Variants in CDH18 observed in about 807,000 individuals in gnomAD.
CDH18 encodes cadherin-18.
CDH18 carries 31 observed loss-of-function variants against 67.9 expected under a neutral mutation model. The ratio of observed to expected loss-of-function variants is 0.46; its 90% CI spans 0.34 to 0.62. CDH18 has a LOEUF of 0.62. Ranked by LOEUF, CDH18 falls within the 20% of genes least tolerant of loss-of-function variation. The probability of loss-of-function intolerance (pLI) is 0.01; values close to 1 mark genes in which losing one functional copy is unlikely to be tolerated. For synonymous variants in CDH18, 362 were observed against 347.2 expected (o/e 1.04, Z -0.48); for missense variants, 890 against 975.5 (o/e 0.91, Z 1.17).
At chr5:20,361,435 A>G (rs951759149) in intron 1 of CDH18, among the ~76,000 whole-genome samples, 10 of 152,218 alleles carry the variant, frequency 6.6e-5, no homozygotes, top group Admixed American at 4.6e-4. Flanking sequence ...CAATTGGAGT[A>G]TTGCTATTAC....
intron 2 of CDH18, among the ~76,000 whole-genome samples, chr5:20,102,035 T>C (rs999235099): frequency 2.6e-5 from 4 of 152,040 alleles, no homozygotes; most frequent in Non-Finnish European, 5.9e-5. Flanking sequence ...CGCGCCACTG[T>C]ACTCCAGCCT....
At chr5:20,401,802 T>C (rs536046694) in intron 1 of CDH18, among the ~76,000 whole-genome samples, 23 of 152,160 alleles carry the variant, frequency 1.5e-4, no homozygotes, top group African/African-American at 5.6e-4. Flanking sequence ...CCATAACTGG[T>C]TTTGATGTTT....
intron 1 of CDH18, among the ~76,000 whole-genome samples, chr5:20,492,830 C>A (rs184153581): frequency 8.3e-4 from 127 of 152,202 alleles, no homozygotes; most frequent in African/African-American, 2.8e-3. Flanking sequence ...ATTTTGATAA[C>A]ACACACATGC....
At chr5:20,521,926 T>C (rs979540294) in intron 1 of CDH18, among the ~76,000 whole-genome samples, 5 of 152,194 alleles carry the variant, frequency 3.3e-5, no homozygotes, top group Admixed American at 1.3e-4. Flanking sequence ...CATTGAATTG[T>C]AGTCAACTTT....
chr5:19,512,100 C>T (rs924359674), intron 10 of CDH18, among the ~76,000 whole-genome samples: 4 of 152,112 alleles, frequency 2.6e-5, no homozygotes, highest in Non-Finnish European at 5.9e-5. Flanking sequence ...CCCATTGCTT[C>T]AGAGAAAATA....
At position 19,728,473 on chromosome 5, in the gene CDH18, C is replaced by T. The variant is rs79334000; in HGVS notation, c.524-7007G>A. 1.4e-3 allele frequency among the ~76,000 whole-genome samples: 216 copies of T among 152,238 alleles called. 6 individuals carry two copies. In the East Asian group the frequency reaches 0.036, roughly 25 times the overall value. On this transcript the variant is annotated intron_variant, in intron 4 of 12. Coordinates refer to ENST00000382275, the MANE Select transcript of CDH18 (RefSeq NM_004934.5). ...GAATGCCTTCAAGATATCTTTTCTACAATAAAACTTAAATCTTATTTTCTT... is the reference window on the plus strand; with the variant it reads ...GAATGCCTTCAAGATATCTTTTCTATAATAAAACTTAAATCTTATTTTCTT...
At chr5:20,118,951 C>A (rs977234966) in intron 2 of CDH18, among the ~76,000 whole-genome samples, 2 of 152,120 alleles carry the variant, frequency 1.3e-5, no homozygotes, top group African/African-American at 4.8e-5. Flanking sequence ...GTGAACAAAT[C>A]AACCCGTACA....
At chr5:19,767,362 A>G (rs1272423433) in intron 3 of CDH18, among the ~76,000 whole-genome samples, 3 of 152,098 alleles carry the variant, frequency 2.0e-5, no homozygotes, top group Admixed American at 2.0e-4. Flanking sequence ...GTAGTTGCGA[A>G]TAAGGAGGCT....
chr5:20,318,490 G>A (rs1369436922), intron 1 of CDH18, among the ~76,000 whole-genome samples: 1 of 152,088 alleles, frequency 6.6e-6, no homozygotes, highest in East Asian at 1.9e-4. Context: ...CTGGGGGTGG[G>A]GCTCTCATGA....
intron 3 of CDH18, among the ~76,000 whole-genome samples, chr5:19,796,279 T>C (rs1274612337): frequency 1.3e-5 from 2 of 152,086 alleles, no homozygotes; most frequent in Admixed American, 6.6e-5. Context: ...TTTAACATAA[T>C]TAATCCTTTG....
Position 20,311,849 on chromosome 5 carries a change from T to C in CDH18, c.-579-56344A>G, listed in dbSNP as rs1737026090. 2.6e-5 allele frequency among the ~76,000 whole-genome samples: 4 copies of C among 152,168 alleles called. 1 individual carries two copies. In the South Asian group the frequency reaches 8.3e-4, roughly 32 times the overall value. On this transcript the variant is annotated intron_variant, in intron 1 of 14. Coordinates refer to the CDH18 transcript ENST00000507958. The stretch of plus-strand genomic sequence containing the variant: ...TATTTTCACATGGTATCAAACACTA[T>C]TTTTAACATTTTGAAAAAACAAAAA...
At chr5:20,358,771 A>G (rs1349386865) in intron 1 of CDH18, among the ~76,000 whole-genome samples, 1 of 152,152 alleles carries the variant, frequency 6.6e-6, no homozygotes. Context: ...GCTGGTCCCA[A>G]TATATTTTTA....
At chr5:20,014,636 A>G (rs1165284527) in intron 2 of CDH18, among the ~76,000 whole-genome samples, 2 of 152,178 alleles carry the variant, frequency 1.3e-5, no homozygotes, top group Non-Finnish European at 2.9e-5. Context: ...AATGAAATCC[A>G]GTCATCTTCT....
chr5:20,144,892 G>A lies in CDH18; in HGVS notation c.-518+110552C>T, dbSNP rs372155328. On this transcript the variant is annotated intron_variant, in intron 2 of 14. Transcript: ENST00000507958. ...CATACACATAGTGAGAGCATCATGT[G>A]AACTAAAAAGTAGAGATTGAGGTGA... is the stretch of plus-strand genomic sequence containing the variant. Among the ~76,000 whole-genome samples the A allele has an allele frequency of 1.3e-4, 20 of 152,212 alleles. No individual in the cohort carries two copies. In the East Asian group the frequency reaches 3.7e-3, roughly 28 times the overall value.
chr5:20,148,159 T>C (rs1750809367), intron 2 of CDH18, among the ~76,000 whole-genome samples: 1 of 151,924 alleles, frequency 6.6e-6, no homozygotes, highest in Admixed American at 6.6e-5. Flanking sequence ...CGGTGCGATC[T>C]TGGCTCACTG....
At chr5:20,320,549 C>A (rs1242465637) in intron 1 of CDH18, among the ~76,000 whole-genome samples, 2 of 152,184 alleles carry the variant, frequency 1.3e-5, no homozygotes, top group Non-Finnish European at 2.9e-5. Context: ...TCTAGTCACT[C>A]TCTTTCTAAA....
intron 1 of CDH18, among the ~76,000 whole-genome samples, chr5:19,982,007 C>T (rs142193805): frequency 1.5e-3 from 228 of 152,218 alleles, no homozygotes; most frequent in African/African-American, 5.3e-3. Context: ...TGGCAACCTC[C>T]ATGAATGAAT....
chr5:19,856,170 C>T (rs1314339716), intron 2 of CDH18, among the ~76,000 whole-genome samples: 1 of 152,218 alleles, frequency 6.6e-6, no homozygotes, highest in African/African-American at 2.4e-5. Context: ...TGGCAAGCAG[C>T]ATCAGCTTCA....
intron 2 of CDH18, among the ~76,000 whole-genome samples, chr5:19,882,852 C>G (rs1579413818): frequency 2.6e-5 from 4 of 152,182 alleles, no homozygotes; most frequent in Admixed American, 1.3e-4. Context: ...ATGAAAGAAG[C>G]AAGAACTATG....
Sources: gnomAD v4.1 joint callset for allele counts (sites outside exome capture counted in the v4.1 genomes callset) on GRCh38, gnomAD v4.1.1 for gene constraint, MANE v1.5 for transcripts, NCBI Gene and HGNC (gene_info 2026-07-23, HGNC 2026-07-21) for gene names.